Variants in CDH12 observed in about 807,000 individuals in gnomAD.
The protein encoded by CDH12 is cadherin-12.
Under a neutral mutation model 74.1 loss-of-function variants are expected in CDH12, and 41 were observed. The ratio of observed to expected loss-of-function variants is 0.55; its 90% CI spans 0.43 to 0.72. CDH12 has a LOEUF of 0.72. Ranked by LOEUF, CDH12 falls within the 30% of genes least tolerant of loss-of-function variation. The pLI is 0.00. For synonymous variants in CDH12, 399 were observed against 355.0 expected, an observed-to-expected ratio of 1.12 and a Z score of -1.39; for missense variants, 945 against 977.2, an observed-to-expected ratio of 0.97 and a Z score of 0.44.
At chr5:22,798,895 C>T (rs1001914652) in intron 1 of CDH12, among the ~76,000 whole-genome samples, 1 of 151,988 alleles carries the variant, frequency 6.6e-6, no homozygotes, top group South Asian at 2.1e-4. Flanking sequence ...AGCCAGATTG[C>T]TTTGAGCCCA....
intron 6 of CDH12, among the ~76,000 whole-genome samples, chr5:21,968,045 T>C (rs1302878265): frequency 6.6e-6 from 1 of 152,224 alleles, no homozygotes; most frequent in Non-Finnish European, 1.5e-5. Context: ...AAGGTCATTA[T>C]GTTTTTAAAT....
chr5:21,993,255 G>C (rs1471732469), intron 5 of CDH12, among the ~76,000 whole-genome samples: 1 of 152,126 alleles, frequency 6.6e-6, no homozygotes, highest in East Asian at 1.9e-4. Flanking sequence ...AACCTACAGA[G>C]TAGTAGGAAG....
chr5:21,753,068 A>G (rs1744189735), intron 14 of CDH12, among the ~76,000 whole-genome samples: 1 of 152,130 alleles, frequency 6.6e-6, no homozygotes, highest in Non-Finnish European at 1.5e-5. Flanking sequence ...TCTACTATGC[A>G]TGAATAGGCA....
rs139877744 is a variant in CDH12 at position 22,431,303 on chromosome 5, A to G, written c.-427-25952T>C. On this transcript the variant is annotated intron_variant, in intron 2 of 14. Transcript: ENST00000382254. The stretch of plus-strand genomic sequence containing the variant: ...AAAATGACAGTCCTATACGTTTATG[A>G]TGGGGCTGAAAAATTCCTATTGTTC... Among the ~76,000 whole-genome samples the G allele has an allele frequency of 8.3e-3, 1,267 of 152,324 alleles. 12 individuals are homozygous for G. Among genetic ancestry groups the G allele is most frequent in the Non-Finnish European group, 0.011 (726 of 68,028 alleles).
chr5:22,069,700 G>A (rs189105642), intron 5 of CDH12, among the ~76,000 whole-genome samples: 59 of 152,228 alleles, frequency 3.9e-4, no homozygotes, highest in Admixed American at 9.8e-4. Context: ...TTACTGTGCT[G>A]TCTGGGGTGA....
chr5:22,771,371 A>G (rs1746796880), intron 1 of CDH12, among the ~76,000 whole-genome samples: 1 of 152,106 alleles, frequency 6.6e-6, no homozygotes. Flanking sequence ...AATTTTATAG[A>G]AGAAGGATAT....
At chr5:22,492,399 G>T (rs1312563804) in intron 2 of CDH12, among the ~76,000 whole-genome samples, 2 of 150,792 alleles carry the variant, frequency 1.3e-5, no homozygotes, top group African/African-American at 4.9e-5. Flanking sequence ...CCAGGCAGGA[G>T]TGCAATGGTA....
intron 1 of CDH12, among the ~76,000 whole-genome samples, chr5:22,717,869 C>G: frequency 6.6e-6 from 1 of 152,058 alleles, no homozygotes; most frequent in East Asian, 1.9e-4. Context: ...TTCAGACAGA[C>G]CTTGTGTCCT....
intron 1 of CDH12, among the ~76,000 whole-genome samples, chr5:22,816,980 A>G (rs1281191765): frequency 6.6e-6 from 1 of 152,166 alleles, no homozygotes; most frequent in Non-Finnish European, 1.5e-5. Context: ...TCTCAACATT[A>G]CTACTTAGAA....
intron 1 of CDH12, among the ~76,000 whole-genome samples, chr5:22,805,415 A>C (rs538929953): frequency 6.6e-6 from 1 of 152,226 alleles, no homozygotes; most frequent in South Asian, 2.1e-4. Flanking sequence ...GGAATTAAAA[A>C]AATAAGAATA....
intron 4 of CDH12, among the ~76,000 whole-genome samples, chr5:22,128,676 T>C (rs1310975310): frequency 1.3e-5 from 2 of 152,158 alleles, no homozygotes; most frequent in Non-Finnish European, 2.9e-5. Context: ...CCCTAAGATA[T>C]TCTCACACTA....
At chr5:22,152,057 G>C (rs781538357) in intron 4 of CDH12, 1 of 152,102 alleles carries the variant, frequency 6.6e-6, no homozygotes, top group African/African-American at 2.4e-5. Flanking sequence ...TCACGGAGCT[G>C]TGGGCCTGCT....
chr5:22,830,373 T>C (rs1284010642), intron 1 of CDH12, among the ~76,000 whole-genome samples: 1 of 152,142 alleles, frequency 6.6e-6, no homozygotes, highest in African/African-American at 2.4e-5. Flanking sequence ...ATGCCAATAA[T>C]AATTTCATTA....
At chr5:22,229,161 A>T (rs1407356418) in intron 3 of CDH12, among the ~76,000 whole-genome samples, 2 of 149,726 alleles carry the variant, frequency 1.3e-5, no homozygotes, top group African/African-American at 2.5e-5. Context: ...AGTATATTCC[A>T]CTGTCAGTGT....
Position 22,723,055 on chromosome 5 carries a change from T to C in CDH12, c.-523+130003A>G, listed in dbSNP as rs79452739. Among the ~76,000 whole-genome samples, 123 of 152,290 alleles carry C rather than the reference T, an allele frequency of 8.1e-4. 1 individual carries two copies. In the East Asian group the frequency reaches 0.017, roughly 22 times the overall value. On this transcript the variant is annotated intron_variant, in intron 1 of 14. Coordinates refer to ENST00000382254, the MANE Select transcript of CDH12 (RefSeq NM_004061.5). Reference sequence around the variant, plus strand: ...GAGGAGCAATATAACTCAATATGTCTACACAGGAAATCAGAAAATATAATG... The same window carrying C: ...GAGGAGCAATATAACTCAATATGTCCACACAGGAAATCAGAAAATATAATG...
intron 3 of CDH12, among the ~76,000 whole-genome samples, chr5:22,220,805 T>C (rs1023651475): frequency 1.6e-4 from 24 of 151,900 alleles, no homozygotes; most frequent in African/African-American, 5.3e-4. Context: ...TCATTGGTGG[T>C]TGCATGAACA....
intron 6 of CDH12, among the ~76,000 whole-genome samples, chr5:21,871,785 G>A (rs751232991): frequency 5.3e-5 from 8 of 152,038 alleles, no homozygotes; most frequent in Non-Finnish European, 7.4e-5. Flanking sequence ...CTGTTCTCCT[G>A]CACCACGTGT....
intron 3 of CDH12, among the ~76,000 whole-genome samples, chr5:22,351,836 G>C (rs114060618): frequency 0.033 from 4,970 of 152,194 alleles, 136 homozygotes; most frequent in Middle Eastern, 0.061. Flanking sequence ...ATCACAAAAG[G>C]TGGTAAACTA....
chr5:22,095,042 C>T (rs1406149904), intron 4 of CDH12, among the ~76,000 whole-genome samples: 1 of 152,200 alleles, frequency 6.6e-6, no homozygotes, highest in African/African-American at 2.4e-5. Flanking sequence ...TTAGTGGTCT[C>T]TTCACACGGA....
Sources: gnomAD v4.1 joint callset for allele counts (sites outside exome capture counted in the v4.1 genomes callset) on GRCh38, gnomAD v4.1.1 for gene constraint, MANE v1.5 for transcripts, NCBI Gene and HGNC (gene_info 2026-07-23, HGNC 2026-07-21) for gene names.